NRG1: variants seen among roughly 807,000 people sequenced by gnomAD.
NRG1 encodes neuregulin 1, also known as pro-neuregulin-1, membrane-bound isoform.
Under a neutral mutation model 63.8 loss-of-function variants are expected in NRG1, and 18 were observed. That is an observed-to-expected ratio of 0.28 (90% CI 0.19 to 0.42). The LOEUF (loss-of-function observed/expected upper bound fraction) is 0.42, where lower values mean the gene tolerates loss of function less well. NRG1 is among the 10% of genes least tolerant of loss of function. The pLI is 1.00. For missense variants in NRG1, 762 were observed against 814.7 expected (o/e 0.94, Z 0.79); for synonymous variants, 302 against 301.3 (o/e 1.00, Z -0.02).
intron 1 of NRG1, among the ~76,000 whole-genome samples, chr8:32,370,105 A>G (rs891871383): frequency 3.3e-5 from 5 of 152,200 alleles, no homozygotes; most frequent in Admixed American, 6.5e-5. Context: ...ACAGATATAA[A>G]AAGCCAGCTT....
chr8:32,597,150 A>G (rs1843499397), intron 2 of NRG1, among the ~76,000 whole-genome samples: 2 of 152,282 alleles, frequency 1.3e-5, no homozygotes, highest in South Asian at 4.2e-4. Context: ...GTGGTTCCAA[A>G]CTCAAAGATG....
chr8:31,950,794 A>G lies in NRG1; in HGVS notation c.37+311363A>G, dbSNP rs548938265. ...GATGACTCCAGAGACAACAAAAGCAAGCTGTGTTTTTACTGATTTTGCAAA... is the reference window on the plus strand; with the variant it reads ...GATGACTCCAGAGACAACAAAAGCAGGCTGTGTTTTTACTGATTTTGCAAA... On this transcript the variant is annotated intron_variant, in intron 1 of 10. Transcript: ENST00000519301. Among the ~76,000 whole-genome samples, 7 of 152,322 alleles carry G rather than the reference A, an allele frequency of 4.6e-5. No homozygotes were observed. The South Asian group carries it at 1.5e-3, about 32-fold the overall frequency.
In NRG1 at chr8:32,764,425, C is replaced by A. The variant is rs1302656368; in HGVS notation, c.*23C>A. The A allele has an allele frequency of 4.0e-6, 6 of 1,504,854 alleles. No individual in the cohort carries two copies. The African/African-American group carries it at 8.4e-5, about 21-fold the overall frequency. The allele number at this position is 1,504,854 out of a possible 1,614,324, so 93.2% of individuals were successfully genotyped here. On this transcript the variant is annotated 3_prime_UTR_variant, in exon 12 of 12. Coordinates refer to ENST00000356819, the Ensembl canonical transcript of NRG1. The stretch of plus-strand genomic sequence containing the variant: ...TAAAACCTAAATAAACACATAGATT[C>A]ACCTGTAAAACTTTATTTTATATAA...
At chr8:31,689,058 C>G (rs534706699) in intron 1 of NRG1, among the ~76,000 whole-genome samples, 1 of 152,292 alleles carries the variant, frequency 6.6e-6, no homozygotes, top group South Asian at 2.1e-4. Context: ...ATCTTCAAAT[C>G]TCTATCTAAC....
chr8:31,893,301 A>T (rs1831297945), intron 1 of NRG1, among the ~76,000 whole-genome samples: 1 of 151,510 alleles, frequency 6.6e-6, no homozygotes, highest in Non-Finnish European at 1.5e-5. Context: ...AATAAATTTC[A>T]TATAGATTTT....
intron 1 of NRG1, among the ~76,000 whole-genome samples, chr8:31,728,274 G>A (rs946729116): frequency 2.0e-5 from 3 of 151,978 alleles, no homozygotes; most frequent in African/African-American, 7.3e-5. Context: ...GACCAGCCTG[G>A]CCAACATGGT....
Position 32,479,737 on chromosome 8 carries a change from C to A in NRG1, c.38-116091C>A, listed in dbSNP as rs558956410. ...CGATCTCAGCTCACTGCAATCCCTG[C>A]CTCCTGGGTTCAAGTGATTCCCCTG... is the stretch of plus-strand genomic sequence containing the variant. On this transcript the variant is annotated intron_variant, in intron 1 of 10. Transcript: ENST00000519301. Among the ~76,000 whole-genome samples, 317 of 152,208 alleles carry A rather than the reference C, an allele frequency of 2.1e-3. 1 individual carries two copies. Among genetic ancestry groups the A allele is most frequent in the Non-Finnish European group, 3.7e-3 (249 of 68,020 alleles).
chr8:31,783,809 G>A (rs1313393045), intron 1 of NRG1, among the ~76,000 whole-genome samples: 2 of 152,054 alleles, frequency 1.3e-5, no homozygotes, highest in Admixed American at 6.6e-5. Context: ...ATTCTAGAAG[G>A]CCTCGCATGG....
At chr8:32,228,633 C>T (rs764898605) in intron 1 of NRG1, among the ~76,000 whole-genome samples, 26 of 152,048 alleles carry the variant, frequency 1.7e-4, no homozygotes, top group Non-Finnish European at 3.5e-4. Context: ...AATCGATTTT[C>T]CTCATTAGCA....
At chr8:31,928,115 T>A (rs1834543852) in intron 1 of NRG1, among the ~76,000 whole-genome samples, 1 of 151,106 alleles carries the variant, frequency 6.6e-6, no homozygotes, top group South Asian at 2.1e-4. Context: ...CTTTGTAGAG[T>A]TAGCAGGATA....
intron 1 of NRG1, among the ~76,000 whole-genome samples, chr8:32,185,380 T>C (rs1841869824): frequency 6.6e-6 from 1 of 152,226 alleles, no homozygotes; most frequent in Admixed American, 6.5e-5. Flanking sequence ...CCCATCATGC[T>C]AGAGCCATCT....
intron 1 of NRG1, among the ~76,000 whole-genome samples, chr8:32,513,200 TGTGC>T (rs1829421918): frequency 7.4e-6 from 1 of 134,382 alleles, no homozygotes; most frequent in African/African-American, 2.9e-5. Context: ...TGTATGCGTG[TGTGC>T]GTGTGTGTGT....
chr8:31,671,631 AT>A (rs1291735931), intron 1 of NRG1, among the ~76,000 whole-genome samples: 1 of 152,194 alleles, frequency 6.6e-6, no homozygotes, highest in Non-Finnish European at 1.5e-5. Flanking sequence ...TAGCCAGTAG[AT>A]TTATAATTAA....
chr8:32,453,400 A>G (rs1417306618), intron 1 of NRG1, among the ~76,000 whole-genome samples: 1 of 152,224 alleles, frequency 6.6e-6, no homozygotes, highest in Non-Finnish European at 1.5e-5. Flanking sequence ...GATTCTCATC[A>G]TAAACAAGCA....
intron 1 of NRG1, among the ~76,000 whole-genome samples, chr8:32,591,268 G>A (rs1179657185): frequency 2.6e-5 from 4 of 152,152 alleles, no homozygotes; most frequent in African/African-American, 4.8e-5. Flanking sequence ...TAGAGTAGCT[G>A]TGAGCTTTTC....
chr8:31,721,719 A>G (rs780223264), intron 1 of NRG1, among the ~76,000 whole-genome samples: 2 of 152,034 alleles, frequency 1.3e-5, no homozygotes, highest in African/African-American at 4.8e-5. Flanking sequence ...GATGCTGTTT[A>G]TTCTGGTGGG....
At position 31,806,062 on chromosome 8, in the gene NRG1, C is replaced by T. The variant is rs545687303; in HGVS notation, c.37+166631C>T. Among the ~76,000 whole-genome samples, 5 of 152,058 alleles carry T rather than the reference C, an allele frequency of 3.3e-5. No individual in the cohort carries two copies. In the South Asian group the frequency reaches 8.3e-4, roughly 25 times the overall value. The stretch of plus-strand genomic sequence containing the variant: ...ATTTTTAAAAATTATGGATAAATTA[C>T]ATTAGAAAATTTAGCTGGAGCAAAT... On this transcript the variant is annotated intron_variant, in intron 1 of 10. Transcript: ENST00000519301.
chr8:31,906,950 A>T (rs539900268), intron 1 of NRG1, among the ~76,000 whole-genome samples: 1 of 152,338 alleles, frequency 6.6e-6, no homozygotes, highest in Non-Finnish European at 1.5e-5. Flanking sequence ...GTACAGGAAA[A>T]GAATGCTGCT....
chr8:32,462,760 T>G (rs1822481714), intron 1 of NRG1, among the ~76,000 whole-genome samples: 1 of 151,890 alleles, frequency 6.6e-6, no homozygotes, highest in African/African-American at 2.4e-5. Context: ...TGCACCACCA[T>G]GCCCGGCTAA....
Sources: allele counts gnomAD v4.1 joint callset (sites outside exome capture counted in the v4.1 genomes callset), GRCh38; gene constraint gnomAD v4.1.1; transcripts MANE v1.5; gene names NCBI Gene and HGNC (gene_info 2026-07-23, HGNC 2026-07-21).